PARD3B: variants seen among roughly 807,000 people sequenced by gnomAD.
PARD3B encodes the protein partitioning defective 3 homolog B.
In PARD3B, 103 loss-of-function variants were observed where a neutral mutation model predicts 130.2. The observed-to-expected ratio is 0.79, with a 90% CI of 0.67 to 0.93. The LOEUF is 0.93. Among genes scored for constraint, PARD3B ranks in the 40% least tolerant of loss-of-function variants. PARD3B has a pLI of 0.00. For synonymous variants in PARD3B, 583 were observed against 553.2 expected, an observed-to-expected ratio of 1.05 and a Z score of -0.76; for missense variants, 1,609 against 1,499.2, an observed-to-expected ratio of 1.07 and a Z score of -1.21.
In PARD3B at chr2:205,133,820, A is replaced by C. The variant is rs141406753; in HGVS notation, c.1434+8083A>C. Among the ~76,000 whole-genome samples the C allele has an allele frequency of 2.0e-3, 299 of 152,252 alleles. 1 individual carries two copies. Among genetic ancestry groups the C allele is most frequent in the African/African-American group, 6.8e-3 (282 of 41,550 alleles). ...ACTTGACTTTCTCAGGTCCAACTCG[A>C]TTGTGCTTTAAAATTTCCACACTCA... On this transcript the variant is annotated intron_variant, in intron 10 of 22. Transcript: ENST00000406610.
chr2:204,843,488 C>T (rs1288807934), intron 2 of PARD3B, among the ~76,000 whole-genome samples: 2 of 152,032 alleles, frequency 1.3e-5, no homozygotes, highest in African/African-American at 2.4e-5. Context: ...CTGTGGGGTT[C>T]AAGTGACTCT....
chr2:205,391,676 T>C (rs1183522421), intron 18 of PARD3B, among the ~76,000 whole-genome samples: 1 of 152,122 alleles, frequency 6.6e-6, no homozygotes, highest in African/African-American at 2.4e-5. Context: ...TCCTGAAGAG[T>C]ATTTCTTCTT....
intron 1 of PARD3B, among the ~76,000 whole-genome samples, chr2:204,635,795 T>C (rs2034854439): frequency 6.6e-6 from 1 of 152,220 alleles, no homozygotes; most frequent in Non-Finnish European, 1.5e-5. Flanking sequence ...TGGAAGATAA[T>C]ATATGTGAAA....
intron 2 of PARD3B, among the ~76,000 whole-genome samples, chr2:204,944,416 A>C (rs1689151783): frequency 6.6e-6 from 1 of 152,178 alleles, no homozygotes; most frequent in Non-Finnish European, 1.5e-5. Flanking sequence ...GGTAAATAGC[A>C]ATCCATCAAG....
At chr2:204,605,807 A>G (rs187453070) in intron 1 of PARD3B, among the ~76,000 whole-genome samples, 1 of 152,166 alleles carries the variant, frequency 6.6e-6, no homozygotes, top group Non-Finnish European at 1.5e-5. Context: ...CTGGGACAGT[A>G]ATGGTTGTTT....
chr2:204,684,979 G>A (rs1411011595), intron 1 of PARD3B, among the ~76,000 whole-genome samples: 1 of 152,048 alleles, frequency 6.6e-6, no homozygotes, highest in East Asian at 1.9e-4. Flanking sequence ...ATGTACTTGG[G>A]TCACATTTTA....
In PARD3B at chr2:204,728,181, G is replaced by A. The variant is rs539407389; in HGVS notation, c.222+41899G>A. Among the ~76,000 whole-genome samples, 7 of 152,204 alleles carry A rather than the reference G, an allele frequency of 4.6e-5. No homozygotes were observed. In the South Asian group the frequency reaches 6.2e-4, roughly 14 times the overall value. On this transcript the variant is annotated intron_variant, in intron 2 of 22. Transcript: ENST00000406610. ...AAGAGGCAGTTTGTTCAATGAGTTC[G>A]GAAGACGGGCAGTTAGGATTTCATT...
chr2:205,350,811 C>T (rs1399663386), intron 18 of PARD3B, among the ~76,000 whole-genome samples: 2 of 152,124 alleles, frequency 1.3e-5, no homozygotes, highest in African/African-American at 4.8e-5. Flanking sequence ...GGATCAAGAT[C>T]TCTACCTTGT....
intron 19 of PARD3B, among the ~76,000 whole-genome samples, chr2:205,406,591 A>G (rs1360474379): frequency 6.6e-6 from 1 of 151,172 alleles, no homozygotes; most frequent in African/African-American, 2.4e-5. Flanking sequence ...TAAAAATCAT[A>G]GCCATGTAAG....
chr2:205,162,394 G>A (rs992501136), intron 11 of PARD3B, among the ~76,000 whole-genome samples: 1 of 152,192 alleles, frequency 6.6e-6, no homozygotes, highest in African/African-American at 2.4e-5. Context: ...TTGTAGCTAT[G>A]CCTCTTAGTG....
At chr2:205,464,400 T>C (rs2048554307) in intron 20 of PARD3B, among the ~76,000 whole-genome samples, 1 of 152,150 alleles carries the variant, frequency 6.6e-6, no homozygotes, top group Non-Finnish European at 1.5e-5. Context: ...TCTCGTAGAC[T>C]GGGTATTAAT....
intron 4 of PARD3B, among the ~76,000 whole-genome samples, chr2:205,053,333 C>G (rs1699363129): frequency 6.6e-6 from 1 of 151,324 alleles, no homozygotes; most frequent in Non-Finnish European, 1.5e-5. Flanking sequence ...TTGCAGGTTG[C>G]TGACTATCAA....
At chr2:205,039,453 A>G (rs994182036) in intron 3 of PARD3B, among the ~76,000 whole-genome samples, 5 of 151,874 alleles carry the variant, frequency 3.3e-5, no homozygotes, top group African/African-American at 1.2e-4. Context: ...TTTCTGATGG[A>G]CAGTTTATTT....
chr2:205,167,879 A>G (rs2034908656), intron 11 of PARD3B, among the ~76,000 whole-genome samples: 1 of 152,200 alleles, frequency 6.6e-6, no homozygotes, highest in Non-Finnish European at 1.5e-5. Context: ...TAAGAAATGA[A>G]TGGGCAAATA....
intron 2 of PARD3B, among the ~76,000 whole-genome samples, chr2:204,780,934 G>T (rs1291907750): frequency 1.3e-5 from 2 of 151,924 alleles, no homozygotes; most frequent in Non-Finnish European, 2.9e-5. Flanking sequence ...GGCAAGGATT[G>T]CTGTCTGAAT....
At chr2:205,599,946 G>A (rs1039268146) in intron 22 of PARD3B, among the ~76,000 whole-genome samples, 2 of 152,154 alleles carry the variant, frequency 1.3e-5, no homozygotes, top group Non-Finnish European at 2.9e-5. Flanking sequence ...GCTTTCATCC[G>A]AGAGTGTGAT....
intron 1 of PARD3B, among the ~76,000 whole-genome samples, chr2:204,580,067 C>T (rs1375130550): frequency 3.3e-5 from 5 of 152,116 alleles, no homozygotes; most frequent in African/African-American, 1.2e-4. Flanking sequence ...ATTCATCATG[C>T]GTTTATAGAA....
At chr2:205,332,093 A>G (rs1025423575) in intron 18 of PARD3B, among the ~76,000 whole-genome samples, 37 of 152,274 alleles carry the variant, frequency 2.4e-4, no homozygotes, top group African/African-American at 8.4e-4. Flanking sequence ...TGACAGTGCC[A>G]GACTCGGTCT....
intron 10 of PARD3B, among the ~76,000 whole-genome samples, chr2:205,140,537 A>G (rs1313898918): frequency 6.7e-6 from 1 of 148,340 alleles, no homozygotes; most frequent in Non-Finnish European, 1.5e-5. Context: ...CTTTGAGAGA[A>G]TATGGGAGAT....
Sources: gnomAD v4.1 joint callset for allele counts (sites outside exome capture counted in the v4.1 genomes callset) on GRCh38, gnomAD v4.1.1 for gene constraint, MANE v1.5 for transcripts, NCBI Gene and HGNC (gene_info 2026-07-23, HGNC 2026-07-21) for gene names.